Variants in GRID2 observed in about 807,000 individuals in gnomAD.
GRID2 encodes the protein glutamate ionotropic receptor delta type subunit 2.
GRID2 carries 33 observed loss-of-function variants against 114.8 expected under a neutral mutation model. That is an observed-to-expected ratio of 0.29 (90% CI 0.22 to 0.38). The LOEUF is 0.38. GRID2 is among the 10% of genes least tolerant of loss of function. The pLI, the probability that GRID2 is intolerant of heterozygous loss-of-function variation, is 1.00. For missense variants in GRID2, 1,184 were observed against 1,257.7 expected, an observed-to-expected ratio of 0.94 and a Z score of 0.89; for synonymous variants, 505 against 449.9, an observed-to-expected ratio of 1.12 and a Z score of -1.55.
chr4:93,453,519 A>T (rs962113946), intron 10 of GRID2, among the ~76,000 whole-genome samples: 3 of 152,120 alleles, frequency 2.0e-5, no homozygotes, highest in Non-Finnish European at 4.4e-5. Context: ...GTTAAATTTA[A>T]TAAATAGTGT....
chr4:92,474,074 T>G (rs1337564581), intron 1 of GRID2, among the ~76,000 whole-genome samples: 1 of 150,944 alleles, frequency 6.6e-6, no homozygotes, highest in Non-Finnish European at 1.5e-5. Flanking sequence ...ATAAAATACA[T>G]TATAATTAAC....
intron 11 of GRID2, among the ~76,000 whole-genome samples, chr4:93,463,635 A>T (rs921329716): frequency 6.6e-6 from 1 of 152,212 alleles, no homozygotes; most frequent in African/African-American, 2.4e-5. Flanking sequence ...CCTAAGAGAC[A>T]CTAAAAAATT....
At chr4:92,670,716 C>T (rs1733017364) in intron 2 of GRID2, among the ~76,000 whole-genome samples, 1 of 152,018 alleles carries the variant, frequency 6.6e-6, no homozygotes, top group African/African-American at 2.4e-5. Context: ...AAATGCTTTG[C>T]ATATCTTAAT....
intron 14 of GRID2, among the ~76,000 whole-genome samples, chr4:93,716,551 A>G (rs904264123): frequency 4.6e-5 from 7 of 152,102 alleles, no homozygotes; most frequent in Non-Finnish European, 1.0e-4. Flanking sequence ...GTCATACTCA[A>G]TTCAGCTTTT....
chr4:92,592,758 G>A (rs1182974714), intron 2 of GRID2, among the ~76,000 whole-genome samples: 1 of 151,774 alleles, frequency 6.6e-6, no homozygotes, highest in African/African-American at 2.4e-5. Flanking sequence ...AAGACAATTT[G>A]TTTCCCTATT....
intron 13 of GRID2, among the ~76,000 whole-genome samples, chr4:93,596,470 C>G (rs1264175769): frequency 3.3e-5 from 5 of 152,000 alleles, no homozygotes; most frequent in Non-Finnish European, 7.4e-5. Context: ...CCCAGCTACT[C>G]GGGAGGCTGA....
chr4:93,311,756 C>CA (rs1422803963), intron 8 of GRID2, among the ~76,000 whole-genome samples: 1 of 152,110 alleles, frequency 6.6e-6, no homozygotes, highest in Non-Finnish European at 1.5e-5. Flanking sequence ...CTTCAAGAAG[C>CA]AAAGAGTGAT....
intron 1 of GRID2, among the ~76,000 whole-genome samples, chr4:93,800,519 A>G (rs1734906981): frequency 6.6e-6 from 1 of 152,138 alleles, no homozygotes; most frequent in Admixed American, 6.5e-5. Flanking sequence ...ATGTATTTGT[A>G]TTGTATTAAA....
At chr4:92,792,136 T>C (rs1443813157) in intron 2 of GRID2, among the ~76,000 whole-genome samples, 1 of 151,686 alleles carries the variant, frequency 6.6e-6, no homozygotes, top group Non-Finnish European at 1.5e-5. Flanking sequence ...CTTCCTGAAT[T>C]TTTTCAGCAT....
intron 13 of GRID2, among the ~76,000 whole-genome samples, chr4:93,611,950 A>G (rs1440061151): frequency 1.4e-5 from 2 of 148,048 alleles, no homozygotes; most frequent in Non-Finnish European, 3.0e-5. Context: ...GTGGGAGTCT[A>G]AGTCTCTTTG....
At chr4:93,614,021 G>GT (rs1034267217) in intron 13 of GRID2, among the ~76,000 whole-genome samples, 2 of 151,968 alleles carry the variant, frequency 1.3e-5, no homozygotes, top group African/African-American at 4.8e-5. Context: ...GTGGTGCGCC[G>GT]TTTTTTAAGC....
chr4:93,728,262 G>A (rs1457103505), intron 14 of GRID2, among the ~76,000 whole-genome samples: 3 of 152,108 alleles, frequency 2.0e-5, no homozygotes, highest in Non-Finnish European at 4.4e-5. Flanking sequence ...TCATTCAGAA[G>A]CAGGTTGTTC....
intron 2 of GRID2, among the ~76,000 whole-genome samples, chr4:92,742,260 A>G (rs1233307773): frequency 6.6e-6 from 1 of 152,146 alleles, no homozygotes; most frequent in Non-Finnish European, 1.5e-5. Context: ...AGCATTTATA[A>G]TATTTCATTA....
At chr4:92,949,136 GTGTGTGTGTGTGTGTC>G (rs1560735135) in intron 2 of GRID2, among the ~76,000 whole-genome samples, 1 of 151,490 alleles carries the variant, frequency 6.6e-6, no homozygotes, top group Admixed American at 6.6e-5. Context: ...AAGAAAATGT[GTGTGTGTGTGTGTGTC>G]TGTGTGTGTG....
At chr4:93,433,487 GAA>G in intron 10 of GRID2, among the ~76,000 whole-genome samples, 1 of 152,270 alleles carries the variant, frequency 6.6e-6, no homozygotes, top group African/African-American at 2.4e-5. Flanking sequence ...GAGTATCTAA[GAA>G]AGGCAAAATT....
chr4:92,888,429 T>A (rs1746522854), intron 2 of GRID2, among the ~76,000 whole-genome samples: 2 of 152,230 alleles, frequency 1.3e-5, no homozygotes, highest in African/African-American at 4.8e-5. Flanking sequence ...GGGGTTTAAA[T>A]GAATTTTCAA....
chr4:92,872,950 C>G (rs1242612960), intron 2 of GRID2, among the ~76,000 whole-genome samples: 1 of 152,152 alleles, frequency 6.6e-6, no homozygotes, highest in Non-Finnish European at 1.5e-5. Context: ...ATCTTAGAGG[C>G]CTTTCTAGAA....
At chr4:93,246,791 C>T (rs950487762) in intron 8 of GRID2, among the ~76,000 whole-genome samples, 10 of 152,100 alleles carry the variant, frequency 6.6e-5, no homozygotes, top group African/African-American at 1.9e-4. Flanking sequence ...CAGTCTAATA[C>T]TTTCTAACAT....
At chr4:92,595,672 T>A (rs777094353) in intron 2 of GRID2, among the ~76,000 whole-genome samples, 3 of 152,086 alleles carry the variant, frequency 2.0e-5, no homozygotes, top group Non-Finnish European at 4.4e-5. Context: ...TAAAACTGCA[T>A]TCATTTTTGG....
Sources: gnomAD v4.1 joint callset for allele counts (sites outside exome capture counted in the v4.1 genomes callset) on GRCh38, gnomAD v4.1.1 for gene constraint, MANE v1.5 for transcripts, NCBI Gene and HGNC (gene_info 2026-07-23, HGNC 2026-07-21) for gene names.